CENPN: variants seen among roughly 807,000 people sequenced by gnomAD.
The protein encoded by CENPN is centromere protein N.
In CENPN, 36 loss-of-function variants were observed where a neutral mutation model predicts 48.6. That is an observed-to-expected ratio of 0.74 (90% CI 0.57 to 0.98). The LOEUF is 0.98. Ranked by LOEUF, CENPN falls within the 50% of genes least tolerant of loss-of-function variation. The pLI is 0.00. For missense variants in CENPN, 439 were observed against 399.2 expected (o/e 1.10, Z -0.85); for synonymous variants, 166 against 135.2 (o/e 1.23, Z -1.58).
intron 10 of CENPN, 42 bp downstream of exon 10, chr16:81,028,339 C>T (rs1970608092): frequency 1.9e-6 from 3 of 1,605,782 alleles, no homozygotes; most frequent in Middle Eastern, 1.7e-4. Flanking sequence ...AAATTAACAA[C>T]ATGCCTCCAT....
intron 7 of CENPN, chr16:81,024,484 C>A (rs1033498715): frequency 2.7e-6 from 1 of 365,216 alleles, no homozygotes; most frequent in African/African-American, 2.1e-5. Context: ...CTCACCAGAT[C>A]CATTTCTATG....
At chr16:81,011,320 C>G (rs1969731656) in intron 1 of CENPN, among the ~76,000 whole-genome samples, 1 of 152,196 alleles carries the variant, frequency 6.6e-6, no homozygotes, top group Admixed American at 6.5e-5. Context: ...TCCATTTTCT[C>G]CGGCACTCCT....
rs756363428 is a variant in CENPN, at chr16:81,025,689, CTCTTTTTTTTTTTT to C, written c.698-835_698-822del. Among the ~76,000 whole-genome samples, 322 of 135,212 alleles carry C rather than the reference CTCTTTTTTTTTTTT, an allele frequency of 2.4e-3. 18 individuals are homozygous for C. The highest frequency in any genetic ancestry group is 3.8e-3 in the Middle Eastern group (1 of 266). The allele number at this position is 135,212 out of a possible 152,430, so 88.7% of individuals were successfully genotyped here. On this transcript the variant is annotated intron_variant, in intron 8 of 10. Coordinates refer to ENST00000305850, the MANE Select transcript of CENPN (RefSeq NM_001100624.3). ...TGGGCAACATAGTGAGACCCTGTCT[CTCTTTTTTTTTTTT>C]TTTTTTTTTTTTTTTTTAAGACAGA...
chr16:81,019,914 T>A (rs7197606), intron 5 of CENPN, among the ~76,000 whole-genome samples, 186 bp from the exon 6 acceptor site: 44,887 of 149,416 alleles, frequency 0.3, 7,334 homozygotes, highest in East Asian at 0.43. Flanking sequence ...TTTTTTTTTT[T>A]AAAATCACAA....
intron 8 of CENPN, 68 bp downstream of exon 8, chr16:81,024,846 G>C (rs763249307): frequency 9.8e-6 from 10 of 1,023,642 alleles, no homozygotes; most frequent in South Asian, 8.4e-5. Context: ...TCTTTCACTT[G>C]GTAAAACGTG....
intron 9 of CENPN, 87 bp from the exon 10 acceptor site, chr16:81,028,084 T>G (rs1267221059): frequency 1.2e-5 from 13 of 1,096,098 alleles, no homozygotes; most frequent in Non-Finnish European, 1.6e-5. Context: ...CAAGAATTAA[T>G]GAAACGTATC....
chr16:81,012,196 G>A, intron 2 of CENPN, 86 bp downstream of exon 2: 2 of 1,222,398 alleles, frequency 1.6e-6, no homozygotes, highest in Non-Finnish European at 1.1e-6. Context: ...CAAAAGAGAT[G>A]TAAGGTAGCT....
intron 9 of CENPN, among the ~76,000 whole-genome samples, chr16:81,027,006 A>G (rs1313967615): frequency 2.0e-5 from 3 of 151,778 alleles, no homozygotes; most frequent in African/African-American, 7.3e-5. Flanking sequence ...CGTGTTGGCC[A>G]GACTGGTCTC....
Position 81,028,898 on chromosome 16 carries a change from C to A in CENPN, c.*247C>A, listed in dbSNP as rs934728651. The A allele has an allele frequency of 1.7e-6, 2 of 1,172,292 alleles. No homozygotes were observed. Among genetic ancestry groups the A allele is most frequent in the African/African-American group, 1.6e-5 (1 of 62,326 alleles). 72.6% of individuals were successfully genotyped at this position (1,172,292 alleles called of 1,614,324 possible). A position where few individuals can be genotyped will look rare whatever the true frequency, so the allele number is the denominator to read the frequency against. On this transcript the variant is annotated 3_prime_UTR_variant, in exon 11 of 11. Transcript: ENST00000305850. The stretch of plus-strand genomic sequence containing the variant: ...GATGACAGGACATATATATATATGG[C>A]CCCACACTTGACCTTGAGTGCCTGA...
At chr16:81,011,763 C>G (rs1043659045) in intron 1 of CENPN, among the ~76,000 whole-genome samples, 167 bp from the exon 2 acceptor site, 3 of 152,146 alleles carry the variant, frequency 2.0e-5, no homozygotes, top group Non-Finnish European at 4.4e-5. Context: ...AGCACTTTGG[C>G]AGGTTGAGGC....
intron 1 of CENPN, among the ~76,000 whole-genome samples, chr16:81,010,785 A>G (rs539288207): frequency 3.0e-4 from 46 of 152,268 alleles, no homozygotes; most frequent in African/African-American, 8.7e-4. Context: ...CCTTGGTTTC[A>G]TCTTTGGTTC....
intron 1 of CENPN, among the ~76,000 whole-genome samples, chr16:81,008,958 G>A (rs921003993): frequency 2.0e-5 from 3 of 152,244 alleles, no homozygotes; most frequent in African/African-American, 7.2e-5. Context: ...TGTAATCCCA[G>A]TACTTTGGGA....
chr16:81,027,991 C>T (rs1343597491), intron 9 of CENPN, among the ~76,000 whole-genome samples, 180 bp from the exon 10 acceptor site: 2 of 152,208 alleles, frequency 1.3e-5, no homozygotes, highest in Non-Finnish European at 2.9e-5. Flanking sequence ...AGGCATGAGC[C>T]ACTTTGCCCG....
chr16:81,014,262 T>G, intron 3 of CENPN, 81 bp downstream of exon 3: 1 of 1,192,364 alleles, frequency 8.4e-7, no homozygotes, highest in Non-Finnish European at 1.2e-6. Context: ...TGAGACAGGG[T>G]CTCCCTCTGT....
chr16:81,009,369 T>C (rs12446810), intron 1 of CENPN, among the ~76,000 whole-genome samples: 36,471 of 152,080 alleles, frequency 0.24, 4,550 homozygotes, highest in East Asian at 0.42. Context: ...TTCTAGGCAG[T>C]TGTAACTGCA....
At chr16:81,008,151 A>G (rs1025239852) in intron 1 of CENPN, among the ~76,000 whole-genome samples, 1 of 152,108 alleles carries the variant, frequency 6.6e-6, no homozygotes, top group Non-Finnish European at 1.5e-5. Context: ...CACGGGGTAA[A>G]CGTTTACTAA....
intron 10 of CENPN, 76 bp downstream of exon 10, chr16:81,028,373 A>T: frequency 1.9e-6 from 3 of 1,555,244 alleles, no homozygotes; most frequent in Non-Finnish European, 2.7e-6. Flanking sequence ...TCTGCTAATT[A>T]CTTCTGAGCT....
At chr16:81,019,526 T>C (rs1037265316) in intron 5 of CENPN, among the ~76,000 whole-genome samples, 1 of 152,036 alleles carries the variant, frequency 6.6e-6, no homozygotes, top group Admixed American at 6.6e-5. Flanking sequence ...CCTAATTACA[T>C]AGAAATCTTA....
intron 1 of CENPN, among the ~76,000 whole-genome samples, chr16:81,011,093 G>A (rs559463405): frequency 3.3e-5 from 5 of 152,252 alleles, no homozygotes; most frequent in South Asian, 4.1e-4. Flanking sequence ...CCTCCTTCCT[G>A]TCTCTGCTGT....
Sources: gnomAD v4.1 joint callset for allele counts (sites outside exome capture counted in the v4.1 genomes callset) on GRCh38, gnomAD v4.1.1 for gene constraint, MANE v1.5 for transcripts, NCBI Gene and HGNC (gene_info 2026-07-23, HGNC 2026-07-21) for gene names.